Variants in LRIG1 observed in about 807,000 individuals in gnomAD.
LRIG1 encodes leucine rich repeats and immunoglobulin like domains 1.
In LRIG1, 48 loss-of-function variants were observed where a neutral mutation model predicts 99.2. That is an observed-to-expected ratio of 0.48 (90% confidence interval 0.38 to 0.62). The LOEUF is 0.62. Among genes scored for constraint, LRIG1 ranks in the 20% least tolerant of loss-of-function variants. LRIG1 has a pLI of 0.00. For synonymous variants in LRIG1, 772 were observed against 596.1 expected (o/e 1.29, Z -4.30); for missense variants, 1,646 against 1,434.4 (o/e 1.15, Z -2.38).
At chr3:66,454,392 C>G (rs1439591229) in intron 2 of LRIG1, among the ~76,000 whole-genome samples, 1 of 152,154 alleles carries the variant, frequency 6.6e-6, no homozygotes, top group Non-Finnish European at 1.5e-5. Context: ...GAAAGGCACT[C>G]AGGAAGTTTA....
intron 3 of LRIG1, among the ~76,000 whole-genome samples, chr3:66,439,026 G>A (rs1380923363): frequency 6.6e-6 from 1 of 152,244 alleles, no homozygotes; most frequent in African/African-American, 2.4e-5. Flanking sequence ...GAACCAAATA[G>A]TTGCTATAGC....
intron 3 of LRIG1, among the ~76,000 whole-genome samples, chr3:66,440,654 T>A (rs1703509923): frequency 6.6e-6 from 1 of 152,150 alleles, no homozygotes; most frequent in Admixed American, 6.5e-5. Context: ...AAAAGCAGGC[T>A]TGCCTTGCCC....
chr3:66,465,103 G>C (rs1700442697), intron 1 of LRIG1, among the ~76,000 whole-genome samples: 1 of 152,136 alleles, frequency 6.6e-6, no homozygotes, highest in South Asian at 2.1e-4. Context: ...TCTCCTCTCA[G>C]AGCACCTGTT....
intron 3 of LRIG1, among the ~76,000 whole-genome samples, chr3:66,437,075 TA>T (rs1248370932): frequency 1.3e-5 from 2 of 152,190 alleles, no homozygotes; most frequent in African/African-American, 4.8e-5. Context: ...TGTCATCTTT[TA>T]CGCAGCCTGC....
intron 3 of LRIG1, among the ~76,000 whole-genome samples, chr3:66,421,099 C>G (rs56124303): frequency 0.48 from 73,506 of 152,036 alleles, 21,147 homozygotes; most frequent in Non-Finnish European, 0.67. Context: ...TCAATCACCT[C>G]CCACTGGGAC....
chr3:66,381,419 T>A (rs1479115683), intron 17 of LRIG1, 60 bp downstream of exon 17: 2 of 1,548,714 alleles, frequency 1.3e-6, no homozygotes, highest in Non-Finnish European at 1.8e-6. Flanking sequence ...ATGTAGTGAC[T>A]AGGTCAGCCC....
chr3:66,384,478 C>T (rs1701263315), intron 13 of LRIG1, among the ~76,000 whole-genome samples: 1 of 152,154 alleles, frequency 6.6e-6, no homozygotes, highest in South Asian at 2.1e-4. Flanking sequence ...TCCCATCAGC[C>T]TTGCATTGTA....
chr3:66,380,567 CA>C lies in LRIG1; in HGVS notation c.3055+9del. 1.9e-6 allele frequency: 3 copies of C among 1,613,396 alleles called. No individual in the cohort carries two copies. Among genetic ancestry groups the C allele is most frequent in the Non-Finnish European group, 2.5e-6 (3 of 1,179,376 alleles). On this transcript the variant is annotated intron_variant, in intron 18 of 18. Coordinates refer to ENST00000273261, the MANE Select transcript of LRIG1 (RefSeq NM_015541.3). Reference sequence around the variant, plus strand: ...CCCAACCCACCTGTTAGAAGACAGTCAAAAGTTACCTTTCCCATCTAGAGAT... The same window carrying C: ...CCCAACCCACCTGTTAGAAGACAGTCAAAGTTACCTTTCCCATCTAGAGAT...
intron 3 of LRIG1, among the ~76,000 whole-genome samples, chr3:66,428,554 G>C (rs1330183948): frequency 1.3e-5 from 2 of 152,178 alleles, no homozygotes; most frequent in Admixed American, 6.5e-5. Flanking sequence ...TTACGATAAT[G>C]CACTTGTGCC....
intron 3 of LRIG1, among the ~76,000 whole-genome samples, chr3:66,425,625 C>A (rs1702954914): frequency 1.3e-5 from 2 of 152,118 alleles, no homozygotes; most frequent in Admixed American, 6.5e-5. Context: ...AGGAACAGTT[C>A]TTATTGGCCT....
rs372920432 is a variant in LRIG1, at chr3:66,380,767, G to A, written c.2865C>T (p.Asp955=). 4 of 1,614,240 alleles carry A rather than the reference G, an allele frequency of 2.5e-6. No homozygotes were observed. Among genetic ancestry groups the A allele is most frequent in the Non-Finnish European group, 3.4e-6 (4 of 1,180,048 alleles). Residue 955 remains aspartate, a synonymous_variant, in exon 18 of 19, where the codon GAC becomes GAT. Transcript: ENST00000273261. ...CATTTGGCGCACTTGGCTGTGCGCT[G>A]TCTCTGGACACAGGCTGGGGGTGGA... ...QAFHPQPVSR[D]SAQPSAPNGP...
chr3:66,484,294 A>G (rs1700919379), intron 1 of LRIG1, among the ~76,000 whole-genome samples: 1 of 152,248 alleles, frequency 6.6e-6, no homozygotes, highest in African/African-American at 2.4e-5. Flanking sequence ...ATCTGTCACG[A>G]GCATTTAATG....
intron 17 of LRIG1, 43 bp downstream of exon 17, chr3:66,381,436 C>A: frequency 6.3e-7 from 1 of 1,592,196 alleles, no homozygotes; most frequent in Non-Finnish European, 8.6e-7. Context: ...GCCCAAATTT[C>A]CATTTCAGAA....
At chr3:66,479,965 T>C (rs931146015) in intron 1 of LRIG1, among the ~76,000 whole-genome samples, 1 of 152,204 alleles carries the variant, frequency 6.6e-6, no homozygotes, top group Non-Finnish European at 1.5e-5. Flanking sequence ...GCCCGAGGTA[T>C]ATACTCAAGT....
chr3:66,474,713 C>A (rs1375153354), intron 1 of LRIG1, among the ~76,000 whole-genome samples: 1 of 152,166 alleles, frequency 6.6e-6, no homozygotes, highest in Non-Finnish European at 1.5e-5. Context: ...AACCATCCCA[C>A]TCCCATTTGC....
chr3:66,390,114 A>G (rs1701556767), intron 12 of LRIG1, among the ~76,000 whole-genome samples: 1 of 152,168 alleles, frequency 6.6e-6, no homozygotes. Flanking sequence ...TAGAGCTTCT[A>G]GCCAGTGCAA....
chr3:66,419,819 TG>T (rs1302758662), intron 3 of LRIG1, among the ~76,000 whole-genome samples: 1 of 152,036 alleles, frequency 6.6e-6, no homozygotes, highest in Non-Finnish European at 1.5e-5. Flanking sequence ...CATCCTACCT[TG>T]AAACACCCTG....
Position 66,398,547 on chromosome 3 carries a change from G to T in LRIG1, c.1233-364C>A, listed in dbSNP as rs576275997. On this transcript the variant is annotated intron_variant, in intron 10 of 18. Coordinates refer to ENST00000273261, the MANE Select transcript of LRIG1 (RefSeq NM_015541.3). ...GTGGCTCTGTTCCCTTCCTCCCAGG[G>T]TCTCAGAAGCAACCACACCAAACTG... Among the ~76,000 whole-genome samples the T allele has an allele frequency of 3.9e-5, 6 of 152,300 alleles. No homozygotes were observed. In the South Asian group the frequency reaches 1.2e-3, roughly 32 times the overall value.
rs768330720 is a variant in LRIG1 at position 66,380,454 on chromosome 3, G to C, written c.3091C>G (p.Pro1031Ala). Residue 1031 changes from proline (P) to alanine (A), a missense_variant, in exon 19 of 19, where the codon CCG becomes GCG. Pro to Ala is a conservative substitution (Grantham distance 27). Transcript: ENST00000273261. ...SSWTLARLYH[P>A]DSTELQPASS... ...GCAGGCTGTAGCTCTGTGGAGTCCG[G>C]GTGATACAACCTTGCTAAAGTCCAG... 1.2e-6 allele frequency: 2 copies of C among 1,614,126 alleles called. No homozygotes were observed. Among genetic ancestry groups the C allele is most frequent in the East Asian group, 2.2e-5 (1 of 44,876 alleles).
Sources: gnomAD v4.1 joint callset for allele counts (sites outside exome capture counted in the v4.1 genomes callset) on GRCh38, gnomAD v4.1.1 for gene constraint, MANE v1.5 for transcripts, NCBI Gene and HGNC (gene_info 2026-07-23, HGNC 2026-07-21) for gene names.